The following STK11 variants were observed in gnomAD, a reference collection of about 807,000 sequenced individuals.
STK11 encodes serine/threonine-protein kinase STK11.
STK11 carries 8 observed loss-of-function variants against 47.3 expected under a neutral mutation model. That is an observed-to-expected ratio of 0.17 (90% CI 0.10 to 0.31). The LOEUF (loss-of-function observed/expected upper bound fraction) is 0.31. Ranked by LOEUF, STK11 falls within the 10% of genes least tolerant of loss-of-function variation. The probability of loss-of-function intolerance (pLI) is 1.00; values close to 1 mark genes in which losing one functional copy is unlikely to be tolerated. For synonymous variants in STK11, 330 were observed against 255.8 expected, an observed-to-expected ratio of 1.29 and a Z score of -2.77; for missense variants, 475 against 605.0, an observed-to-expected ratio of 0.79 and a Z score of 2.25.
intron 8 of STK11, chr19:1,224,282 A>G (rs2080806390): frequency 3.0e-6 from 3 of 985,350 alleles, no homozygotes; most frequent in Middle Eastern, 5.2e-4. Context: ...CCCCAGGATC[A>G]CAGGGTCTCA....
At chr19:1,212,238 C>T (rs1379738321) in intron 1 of STK11, among the ~76,000 whole-genome samples, 2 of 150,628 alleles carry the variant, frequency 1.3e-5, no homozygotes, top group African/African-American at 2.4e-5. Flanking sequence ...CAAACGCCAC[C>T]GTATTGCTCA....
rs1215354640 is a variant in STK11, at chr19:1,227,770, C to T, written c.*194C>T. 23 of 1,073,618 alleles carry T rather than the reference C, an allele frequency of 2.1e-5. No individual in the cohort carries two copies. The highest frequency in any genetic ancestry group is 5.3e-5 in the Admixed American group (1 of 18,786). 66.5% of individuals were successfully genotyped at this position (1,073,618 alleles called of 1,614,324 possible). A position where few individuals can be genotyped will look rare whatever the true frequency, so the allele number is the denominator to read the frequency against. On this transcript the variant is annotated 3_prime_UTR_variant, in exon 10 of 10. Transcript: ENST00000326873. ...CAGGGACCGGGCGCAGCCCTCCCCC[C>T]TCGGCCGCCCGGCAGTGCACGCGGC...
At chr19:1,207,281 C>CCCTCCTTCTCTCT in intron 1 of STK11, 78 bp downstream of exon 1, 1 of 1,484,398 alleles carries the variant, frequency 6.7e-7, no homozygotes, top group Non-Finnish European at 9.1e-7. Flanking sequence ...TCCTTCTCTC[C>CCCTCCTTCTCTCT]TCCCTCCCTC....
In STK11 at chr19:1,206,580, G is replaced by C; in HGVS notation, c.-334G>C. On this transcript the variant is annotated 5_prime_UTR_variant, in exon 1 of 10. Coordinates refer to ENST00000326873, the MANE Select transcript of STK11 (RefSeq NM_000455.5). ...TGAAAAGCCCCGGCCGGCCTCCCCA[G>C]GGTCCCCGAGGACGAAGTTGACCCT... is the stretch of plus-strand genomic sequence containing the variant. 2.4e-6 allele frequency: 1 copy of C among 420,698 alleles called. No individual in the cohort carries two copies. Among genetic ancestry groups the C allele is most frequent in the Non-Finnish European group, 4.3e-6 (1 of 233,762 alleles). 26.1% of individuals were successfully genotyped at this position (420,698 alleles called of 1,614,324 possible).
chr19:1,210,918 T>A (rs1475150517), intron 1 of STK11, among the ~76,000 whole-genome samples: 2 of 151,552 alleles, frequency 1.3e-5, no homozygotes, highest in East Asian at 3.9e-4. Context: ...ATCCCAGCAC[T>A]TTGGGAGGCC....
rs1034366833 is a variant in STK11 at position 1,206,133 on chromosome 19, A to G, written c.-781A>G. 1 of 144,866 alleles carries G rather than the reference A, an allele frequency of 6.9e-6. No individual in the cohort carries two copies. Among genetic ancestry groups the G allele is most frequent in the Non-Finnish European group, 1.5e-5 (1 of 65,598 alleles). The allele number at this position is 144,866 out of a possible 1,614,324, so 9.0% of individuals were successfully genotyped here. A position where few individuals can be genotyped will look rare whatever the true frequency, so the allele number is the denominator to read the frequency against. ...CGCGCTCGGGCAGACGTTTGCGGGG[A>G]GGGGGGCGCCTGCCGGGCCCCGGCG... On this transcript the variant is annotated 5_prime_UTR_variant, in exon 1 of 10. Coordinates refer to ENST00000326873, the MANE Select transcript of STK11 (RefSeq NM_000455.5).
chr19:1,221,495 G>A, intron 6 of STK11, 155 bp downstream of exon 6: 2 of 1,189,182 alleles, frequency 1.7e-6, no homozygotes, highest in Non-Finnish European at 2.3e-6. Flanking sequence ...CGCAGGGCCT[G>A]GTTTGCCAGG....
chr19:1,215,198 C>G (rs1362683780), intron 1 of STK11, among the ~76,000 whole-genome samples: 1 of 152,204 alleles, frequency 6.6e-6, no homozygotes, highest in South Asian at 2.1e-4. Context: ...CTCAGCGTCC[C>G]CCTCAATGCC....
intron 1 of STK11, 133 bp from the exon 2 acceptor site, chr19:1,218,284 A>G: frequency 1.3e-6 from 1 of 770,980 alleles, no homozygotes; most frequent in Admixed American, 1.9e-5. Flanking sequence ...CAGCACTGTG[A>G]ACTCACAGCT....
chr19:1,208,743 G>A (rs993433319), intron 1 of STK11, among the ~76,000 whole-genome samples: 11 of 140,270 alleles, frequency 7.8e-5, no homozygotes, highest in African/African-American at 2.4e-4. Context: ...TCAGCCTCCC[G>A]AGTAGCTGGG....
chr19:1,223,195 C>T (rs1484943053), intron 8 of STK11, 23 bp downstream of exon 8: 2 of 1,598,594 alleles, frequency 1.3e-6, no homozygotes, highest in African/African-American at 1.3e-5. Context: ...GGGGCCCCTG[C>T]CCGGCTCTGC....
chr19:1,222,898 G>T (rs924047521), intron 7 of STK11, 87 bp from the exon 8 acceptor site: 201 of 1,420,168 alleles, frequency 1.4e-4, no homozygotes, highest in Non-Finnish European at 1.8e-4. Flanking sequence ...TGTGTGGCAG[G>T]TACCCTGGGC....
In STK11 at chr19:1,220,666, T is replaced by C. The variant is rs1339614614; in HGVS notation, c.683T>C (p.Leu228Pro). The C allele has an allele frequency of 1.2e-6, 2 of 1,611,026 alleles. No homozygotes were observed. Residue 228 changes from leucine (L) to proline (P), a missense_variant, in exon 5 of 10, where the codon CTG becomes CCG. By Grantham distance (98) the Leu-to-Pro change is moderately conservative. This residue lies in a region of STK11 where 130 missense variants were observed against 239.7 expected (regional missense o/e 0.54). Transcript: ENST00000326873. ...AFQPPEIANG[L>P]DTFSGFKVDI... ...CAGCCGCCCGAGATTGCCAACGGCC[T>C]GGACACCTTCTCCGGCTTCAAGGTG...
chr19:1,222,588 G>A (rs2080792605), intron 7 of STK11, among the ~76,000 whole-genome samples: 1 of 152,184 alleles, frequency 6.6e-6, no homozygotes, highest in Non-Finnish European at 1.5e-5. Flanking sequence ...TTGTGCCTTG[G>A]GGGTCTCTGC....
intron 8 of STK11, 35 bp from the exon 9 acceptor site, chr19:1,226,419 C>T (rs2080821121): frequency 6.3e-7 from 1 of 1,599,290 alleles, no homozygotes; most frequent in Non-Finnish European, 8.5e-7. Flanking sequence ...GGTTGCGCCC[C>T]TCAGCTCAGG....
At chr19:1,221,801 G>T in intron 6 of STK11, 148 bp from the exon 7 acceptor site, 1 of 858,658 alleles carries the variant, frequency 1.2e-6, no homozygotes. Flanking sequence ...AGTGGCCTCT[G>T]TCAGGGAGAC....
intron 1 of STK11, chr19:1,216,504 C>G (rs1471861040): frequency 6.6e-6 from 1 of 152,098 alleles, no homozygotes; most frequent in African/African-American, 2.4e-5. Flanking sequence ...CGCTTGAACC[C>G]GGGAGGCAGA....
intron 2 of STK11, among the ~76,000 whole-genome samples, 158 bp from the exon 3 acceptor site, chr19:1,219,160 CCCTGGG>C (rs2145421785): frequency 6.6e-6 from 1 of 152,314 alleles, no homozygotes; most frequent in South Asian, 2.1e-4. Flanking sequence ...ACGCTGGGGC[CCCTGGG>C]CCTTTTCAGA....
chr19:1,218,268 T>C (rs1018855614), intron 1 of STK11, 149 bp from the exon 2 acceptor site: 5 of 706,094 alleles, frequency 7.1e-6, no homozygotes, highest in Non-Finnish European at 1.2e-5. Flanking sequence ...GCAGGGCCCT[T>C]TCCCACAGCA....
Sources: gnomAD v4.1 joint callset for allele counts (sites outside exome capture counted in the v4.1 genomes callset) on GRCh38, gnomAD v4.1.1 for gene constraint, gnomAD v4.1.1 regional missense constraint, MANE v1.5 for transcripts, NCBI Gene and HGNC (gene_info 2026-07-23, HGNC 2026-07-21) for gene names.